Variants in CENPP observed in about 807,000 individuals in gnomAD.
CENPP encodes centromere protein P.
In CENPP, 24 loss-of-function variants were observed where a neutral mutation model predicts 35.6. That is an observed-to-expected ratio of 0.67 (90% CI 0.49 to 0.95). The LOEUF is 0.95. Ranked by LOEUF, CENPP falls within the 40% of genes least tolerant of loss-of-function variation. The pLI, the probability that CENPP is intolerant of heterozygous loss-of-function variation, is 0.00. For synonymous variants in CENPP, 120 were observed against 125.5 expected, an observed-to-expected ratio of 0.96 and a Z score of 0.29; for missense variants, 332 against 345.3, an observed-to-expected ratio of 0.96 and a Z score of 0.31.
chr9:92,386,718 T>C (rs1247753987), intron 5 of CENPP, among the ~76,000 whole-genome samples: 1 of 152,158 alleles, frequency 6.6e-6, no homozygotes, highest in Admixed American at 6.5e-5. Context: ...CACCAATTTC[T>C]AGCTAAGTGG....
chr9:92,510,621 C>T (rs552559765), intron 5 of CENPP, among the ~76,000 whole-genome samples: 5 of 152,298 alleles, frequency 3.3e-5, no homozygotes, highest in African/African-American at 1.2e-4. Context: ...GTTGTGTGTT[C>T]ATTGGTCAAA....
chr9:92,459,870 A>G (rs1269820357), intron 5 of CENPP: 1 of 936,324 alleles, frequency 1.1e-6, no homozygotes, highest in African/African-American at 1.7e-5. Context: ...AGCCTGTCCT[A>G]TTTATATATA....
At chr9:92,510,060 T>C in intron 5 of CENPP, 1 of 1,582,876 alleles carries the variant, frequency 6.3e-7, no homozygotes, top group South Asian at 1.2e-5. Context: ...TCAAAGTTAC[T>C]TTTTTATCTA....
chr9:92,603,710 C>T (rs1171820810), intron 5 of CENPP, among the ~76,000 whole-genome samples: 2 of 152,180 alleles, frequency 1.3e-5, no homozygotes, highest in African/African-American at 4.8e-5. Context: ...ACTCTCCACA[C>T]CCCACATCCA....
intron 5 of CENPP, chr9:92,505,792 G>A (rs2131169981): frequency 1.1e-6 from 1 of 931,192 alleles, no homozygotes; most frequent in Non-Finnish European, 1.6e-6. Context: ...TTATTTGGAG[G>A]GCAAATACAG....
chr9:92,545,975 T>A (rs1849434101), intron 5 of CENPP, among the ~76,000 whole-genome samples: 1 of 151,776 alleles, frequency 6.6e-6, no homozygotes, highest in South Asian at 2.1e-4. Flanking sequence ...GGTTTGTAAA[T>A]GCACCAGTCA....
In CENPP at chr9:92,416,021, TA is replaced by T. The variant is rs1415493203; in HGVS notation, c.564+36163del. Among the ~76,000 whole-genome samples, 3 of 141,246 alleles carry T rather than the reference TA, an allele frequency of 2.1e-5. No homozygotes were observed. In the East Asian group the frequency reaches 6.1e-4, roughly 29 times the overall value. 92.7% of individuals were successfully genotyped at this position (141,246 alleles called of 152,430 possible). A position where few individuals can be genotyped will look rare whatever the true frequency, so the allele number is the denominator to read the frequency against. On this transcript the variant is annotated intron_variant, in intron 5 of 7. Transcript: ENST00000375587. ...AGTTATATATATAAAAGAGAATATATATTTTTTATATATAAATAAATATATT... is the reference window on the plus strand; with the variant it reads ...AGTTATATATATAAAAGAGAATATATTTTTTTATATATAAATAAATATATT...
chr9:92,460,313 C>T (rs551859773), intron 5 of CENPP, among the ~76,000 whole-genome samples: 2 of 152,252 alleles, frequency 1.3e-5, no homozygotes, highest in Admixed American at 6.5e-5. Flanking sequence ...GGATTACAGG[C>T]GTGAGCCACC....
intron 4 of CENPP, among the ~76,000 whole-genome samples, chr9:92,369,105 T>C (rs1250283738): frequency 2.0e-5 from 3 of 152,100 alleles, no homozygotes; most frequent in Admixed American, 6.6e-5. Flanking sequence ...ACTAATAATA[T>C]AGTGAGGCTA....
chr9:92,461,245 C>A (rs934372270), intron 5 of CENPP, among the ~76,000 whole-genome samples: 2 of 152,072 alleles, frequency 1.3e-5, no homozygotes, highest in African/African-American at 4.8e-5. Context: ...CTGATAAGGT[C>A]ATCTTGTTTT....
At chr9:92,394,559 T>G (rs947598324) in intron 5 of CENPP, among the ~76,000 whole-genome samples, 2 of 151,830 alleles carry the variant, frequency 1.3e-5, no homozygotes, top group African/African-American at 4.8e-5. Context: ...CCTATTTTGA[T>G]ATATTTTAAA....
intron 5 of CENPP, chr9:92,403,422 A>G (rs1165699286): frequency 6.3e-7 from 1 of 1,591,618 alleles, no homozygotes; most frequent in Non-Finnish European, 8.5e-7. Flanking sequence ...GCAAAAATCA[A>G]GGTGACTGGA....
intron 5 of CENPP, among the ~76,000 whole-genome samples, chr9:92,407,055 G>A (rs1035336425): frequency 9.9e-5 from 15 of 152,176 alleles, no homozygotes; most frequent in East Asian, 5.8e-4. Context: ...GATGCGTAGG[G>A]GCAGTGTCTA....
intron 5 of CENPP, 41 bp from the exon 6 acceptor site, chr9:92,611,273 C>G: frequency 6.5e-7 from 1 of 1,541,750 alleles, no homozygotes; most frequent in South Asian, 1.1e-5. Context: ...CCCTTTCTCC[C>G]CACCAGTGGA....
At chr9:92,516,079 C>G (rs189720948) in intron 5 of CENPP, among the ~76,000 whole-genome samples, 33 of 150,308 alleles carry the variant, frequency 2.2e-4, no homozygotes, top group South Asian at 4.4e-4. Flanking sequence ...TTTTCCCCCC[C>G]CCGAGACGGA....
intron 5 of CENPP, chr9:92,502,796 T>G: frequency 1.4e-6 from 1 of 720,772 alleles, no homozygotes; most frequent in South Asian, 2.6e-5. Context: ...CTCATATTTT[T>G]AAGTTGTCTT....
At chr9:92,348,112 CTTTTT>C (rs11353028) in intron 4 of CENPP, among the ~76,000 whole-genome samples, 1 of 125,236 alleles carries the variant, frequency 8.0e-6, no homozygotes, top group Admixed American at 8.5e-5. Flanking sequence ...TTCTTTCTTT[CTTTTT>C]TTTTTTTTTT....
chr9:92,325,742 G>A, upstream of CENPP: 5 of 456,260 alleles, frequency 1.1e-5, no homozygotes, highest in South Asian at 2.8e-5. Context: ...CAAAGAACGC[G>A]CTCTCCAGAG....
intron 5 of CENPP, chr9:92,511,981 C>T (rs1319498163): frequency 6.5e-7 from 1 of 1,531,806 alleles, no homozygotes; most frequent in South Asian, 1.2e-5. Context: ...AGCCATTCAT[C>T]CAAATAGACA....
Sources: allele counts gnomAD v4.1 joint callset (sites outside exome capture counted in the v4.1 genomes callset), GRCh38; gene constraint gnomAD v4.1.1; transcripts MANE v1.5; gene names NCBI Gene and HGNC (gene_info 2026-07-23, HGNC 2026-07-21).